DLG2: variants seen among roughly 807,000 people sequenced by gnomAD.
The protein encoded by DLG2 is discs large MAGUK scaffold protein 2, also known as disks large homolog 2.
DLG2 carries 45 observed loss-of-function variants against 132.5 expected under a neutral mutation model. The ratio of observed to expected loss-of-function variants is 0.34; its 90% CI spans 0.27 to 0.44. The LOEUF (loss-of-function observed/expected upper bound fraction) is 0.44, where lower values mean the gene tolerates loss of function less well. DLG2 is among the 20% of genes least tolerant of loss of function. The pLI is 1.00. For missense variants in DLG2, 1,045 were observed against 1,196.9 expected, an observed-to-expected ratio of 0.87 and a Z score of 1.87; for synonymous variants, 424 against 419.6, an observed-to-expected ratio of 1.01 and a Z score of -0.13.
At chr11:84,086,479 TTTTC>T (rs941794409) in intron 10 of DLG2, among the ~76,000 whole-genome samples, 1 of 137,214 alleles carries the variant, frequency 7.3e-6, no homozygotes, top group African/African-American at 2.7e-5. Flanking sequence ...TGTTTTTTCT[TTTTC>T]TTTCTTTCTT....
At chr11:84,775,229 C>T (rs1196483633) in intron 6 of DLG2, among the ~76,000 whole-genome samples, 1 of 151,952 alleles carries the variant, frequency 6.6e-6, no homozygotes, top group Non-Finnish European at 1.5e-5. Flanking sequence ...AATGAGATAC[C>T]ATCTCATACC....
chr11:84,833,107 A>C (rs1157908181), intron 6 of DLG2, among the ~76,000 whole-genome samples: 1 of 151,644 alleles, frequency 6.6e-6, no homozygotes, highest in Non-Finnish European at 1.5e-5. Context: ...CTCACTCCCA[A>C]AGAAGGTAAT....
intron 3 of DLG2, among the ~76,000 whole-genome samples, chr11:85,530,285 T>G (rs1278802972): frequency 4.0e-5 from 6 of 150,854 alleles, no homozygotes; most frequent in Non-Finnish European, 7.4e-5. Flanking sequence ...TGTAAGCCAC[T>G]GCGCCTGGCC....
chr11:84,759,996 C>A (rs1277783952), intron 6 of DLG2, among the ~76,000 whole-genome samples: 1 of 152,094 alleles, frequency 6.6e-6, no homozygotes, highest in African/African-American at 2.4e-5. Context: ...GAACTCTTTA[C>A]ACGAAGGAAG....
At chr11:85,036,511 A>G (rs1409242224) in intron 6 of DLG2, among the ~76,000 whole-genome samples, 1 of 152,220 alleles carries the variant, frequency 6.6e-6, no homozygotes, top group Admixed American at 6.5e-5. Context: ...TTAAAATTAT[A>G]TTATTTCATC....
intron 9 of DLG2, among the ~76,000 whole-genome samples, chr11:84,143,346 G>A (rs531542723): frequency 1.3e-5 from 2 of 152,210 alleles, no homozygotes; most frequent in Admixed American, 1.3e-4. Context: ...AGTTAAAAAT[G>A]GTAATAGAGT....
chr11:84,972,883 T>C (rs1489146475), intron 6 of DLG2, among the ~76,000 whole-genome samples: 1 of 152,130 alleles, frequency 6.6e-6, no homozygotes, highest in African/African-American at 2.4e-5. Flanking sequence ...CTGGGTTCAA[T>C]TTTTAGTCCC....
chr11:84,197,001 C>A (rs1395037105), intron 8 of DLG2, among the ~76,000 whole-genome samples: 1 of 126,374 alleles, frequency 7.9e-6, no homozygotes, highest in African/African-American at 3.0e-5. Flanking sequence ...CACCCCACTG[C>A]ACTTCAGCCT....
chr11:83,921,229 C>T (rs1024620125), intron 15 of DLG2, among the ~76,000 whole-genome samples: 4 of 152,140 alleles, frequency 2.6e-5, no homozygotes, highest in African/African-American at 9.7e-5. Context: ...TCATTATCCT[C>T]ATAGTTGCCA....
intron 6 of DLG2, among the ~76,000 whole-genome samples, chr11:85,077,975 C>G (rs1462475025): frequency 1.3e-5 from 2 of 151,776 alleles, no homozygotes; most frequent in East Asian, 3.9e-4. Context: ...ATGTTATAGT[C>G]CTGGGCTAAT....
At chr11:83,794,046 T>C (rs573161093) in intron 17 of DLG2, among the ~76,000 whole-genome samples, 1 of 152,310 alleles carries the variant, frequency 6.6e-6, no homozygotes, top group African/African-American at 2.4e-5. Flanking sequence ...AGCGCTCCTC[T>C]TGCCAAGCCC....
intron 11 of DLG2, among the ~76,000 whole-genome samples, chr11:84,030,501 A>C (rs1205226207): frequency 6.6e-6 from 1 of 152,128 alleles, no homozygotes; most frequent in African/African-American, 2.4e-5. Context: ...CCTTTATGGA[A>C]GGTGAAGTTG....
At chr11:85,305,716 T>C (rs780327596) in intron 3 of DLG2, among the ~76,000 whole-genome samples, 7 of 152,192 alleles carry the variant, frequency 4.6e-5, no homozygotes, top group Middle Eastern at 3.2e-3. Context: ...GGTTTCACCA[T>C]GTTAGCCAGG....
intron 3 of DLG2, among the ~76,000 whole-genome samples, chr11:85,561,551 C>G (rs2077247260): frequency 6.6e-6 from 1 of 151,496 alleles, no homozygotes; most frequent in Admixed American, 6.6e-5. Context: ...ACTTAAAAAT[C>G]TGAAGTAATA....
intron 7 of DLG2, among the ~76,000 whole-genome samples, chr11:84,331,302 G>T (rs1167339505): frequency 6.6e-6 from 1 of 151,940 alleles, no homozygotes; most frequent in Non-Finnish European, 1.5e-5. Context: ...TCCCATTTCT[G>T]GGGTAAAGAA....
chr11:83,998,742 C>G (rs879466325), intron 11 of DLG2, among the ~76,000 whole-genome samples: 5 of 152,126 alleles, frequency 3.3e-5, no homozygotes, highest in Non-Finnish European at 5.9e-5. Context: ...CTCTGTGACA[C>G]CTAAGCAGCT....
chr11:84,461,762 T>G (rs1388175086), intron 7 of DLG2, among the ~76,000 whole-genome samples: 2 of 150,798 alleles, frequency 1.3e-5, no homozygotes, highest in Non-Finnish European at 3.0e-5. Flanking sequence ...CTGAATTTTT[T>G]TTTTCAGAAT....
intron 18 of DLG2, among the ~76,000 whole-genome samples, chr11:83,664,621 G>T (rs2153557213): frequency 6.6e-6 from 1 of 152,302 alleles, no homozygotes; most frequent in South Asian, 2.1e-4. Context: ...CACAGTACTA[G>T]TCTCTAGCTT....
chr11:84,738,884 A>T (rs755612303), intron 6 of DLG2, among the ~76,000 whole-genome samples: 13 of 152,202 alleles, frequency 8.5e-5, no homozygotes, highest in Non-Finnish European at 1.6e-4. Flanking sequence ...ATGTATAAAC[A>T]AAACAAGATA....
Sources: gnomAD v4.1 joint callset for allele counts (sites outside exome capture counted in the v4.1 genomes callset) on GRCh38, gnomAD v4.1.1 for gene constraint, MANE v1.5 for transcripts, NCBI Gene and HGNC (gene_info 2026-07-23, HGNC 2026-07-21) for gene names.